Variants in NHSL2 observed in about 807,000 individuals in gnomAD.
NHSL2 encodes the protein NHS like 2.
NHSL2 carries 27 observed loss-of-function variants against 53.4 expected under a neutral mutation model. That is an observed-to-expected ratio of 0.51 (90% CI 0.37 to 0.70). The LOEUF (loss-of-function observed/expected upper bound fraction) is 0.70, where lower values mean the gene tolerates loss of function less well. Ranked by LOEUF, NHSL2 falls within the 30% of genes least tolerant of loss-of-function variation. NHSL2 has a pLI of 0.00. For missense variants in NHSL2, 892 were observed against 980.1 expected, an observed-to-expected ratio of 0.91 and a Z score of 1.20; for synonymous variants, 408 against 404.1, an observed-to-expected ratio of 1.01 and a Z score of -0.12.
chrX:72,022,628 C>G (rs1227788039), intron 1 of NHSL2, among the ~76,000 whole-genome samples: 1 of 111,477 alleles, frequency 9.0e-6, no homozygotes, highest in East Asian at 2.8e-4. Flanking sequence ...GAACTAATCA[C>G]CTCCCAAAGG....
chrX:72,087,276 G>T lies in NHSL2; in HGVS notation c.281-44803G>T, dbSNP rs1233575565. On this transcript the variant is annotated intron_variant, in intron 1 of 7. Coordinates refer to ENST00000633930, the MANE Select transcript of NHSL2 (RefSeq NM_001013627.3). ...AAACACAAAAGAACAAATATTGTATGATTCCACTTATATGAAACATGTAGA... is the reference window on the plus strand; with the variant it reads ...AAACACAAAAGAACAAATATTGTATTATTCCACTTATATGAAACATGTAGA... 2.7e-5 allele frequency among the ~76,000 whole-genome samples: 3 copies of T among 112,826 alleles called. No homozygotes were observed. In the Admixed American group the frequency reaches 2.8e-4, roughly 11 times the overall value.
At chrX:71,927,102 A>AAATT (rs2041689302) in intron 1 of NHSL2, among the ~76,000 whole-genome samples, 1 of 112,216 alleles carries the variant, frequency 8.9e-6, no homozygotes, top group Non-Finnish European at 1.9e-5. Context: ...CATTTGAGAG[A>AAATT]CAGAAATTCA....
At chrX:71,933,287 A>G (rs1034146966) in intron 1 of NHSL2, among the ~76,000 whole-genome samples, 10 of 111,881 alleles carry the variant, frequency 8.9e-5, no homozygotes, top group Non-Finnish European at 1.9e-4. Context: ...GTCACCTGTC[A>G]GTAGTCAATG....
chrX:72,023,441 G>A (rs1270593491), intron 1 of NHSL2, among the ~76,000 whole-genome samples: 1 of 112,761 alleles, frequency 8.9e-6, no homozygotes, highest in Non-Finnish European at 1.9e-5. Context: ...GGCAATTATG[G>A]TCCTGATGAA....
At chrX:71,984,972 T>G (rs1419614184) in intron 1 of NHSL2, among the ~76,000 whole-genome samples, 1 of 110,498 alleles carries the variant, frequency 9.0e-6, no homozygotes. Flanking sequence ...TACAGGCACC[T>G]GCCACCATGC....
At chrX:72,060,788 A>G (rs1488057067) in intron 1 of NHSL2, among the ~76,000 whole-genome samples, 2 of 112,785 alleles carry the variant, frequency 1.8e-5, no homozygotes, top group Non-Finnish European at 3.8e-5. Context: ...GCCCGTTGCC[A>G]TGGCAACATT....
At chrX:72,064,483 C>G (rs1043674026) in intron 1 of NHSL2, among the ~76,000 whole-genome samples, 1 of 111,772 alleles carries the variant, frequency 8.9e-6, no homozygotes, top group Admixed American at 9.4e-5. Context: ...TCCTAATAAT[C>G]CACACCTGAC....
intron 1 of NHSL2, among the ~76,000 whole-genome samples, chrX:72,058,943 C>G (rs1232737597): frequency 9.0e-6 from 1 of 111,675 alleles, no homozygotes; most frequent in Admixed American, 9.4e-5. Context: ...CATCAGTGCT[C>G]CCTGTTCTTC....
intron 1 of NHSL2, among the ~76,000 whole-genome samples, chrX:71,921,356 G>T (rs1412975966): frequency 3.8e-5 from 4 of 106,575 alleles, no homozygotes; most frequent in African/African-American, 1.4e-4. Context: ...GGAGGTGGAG[G>T]TTGCAGCGAG....
rs758985441 is a variant in NHSL2 at position 72,152,339 on chromosome X, G to A, written c.*8765G>A. On this transcript the variant is annotated 3_prime_UTR_variant, in exon 8 of 8. Coordinates refer to ENST00000633930, the MANE Select transcript of NHSL2 (RefSeq NM_001013627.3). Reference sequence around the variant, plus strand: ...AATTCACAAATCACACCATACATGCGTGTGTGCATGCGCGCGCGCACACAC... The same window carrying A: ...AATTCACAAATCACACCATACATGCATGTGTGCATGCGCGCGCGCACACAC... 8 of 77,799 alleles carry A rather than the reference G, an allele frequency of 1.0e-4. No homozygotes were observed. The East Asian group carries it at 1.2e-3, about 12-fold the overall frequency. 6.4% of individuals were successfully genotyped at this position (77,799 alleles called of 1,213,427 possible).
intron 1 of NHSL2, among the ~76,000 whole-genome samples, chrX:71,963,949 C>CTATA (rs1447693800): frequency 4.1e-5 from 1 of 24,529 alleles, no homozygotes; most frequent in East Asian, 1.7e-3. Flanking sequence ...GGTGGAGTGG[C>CTATA]TATATATATA....
chrX:72,068,098 T>C (rs2042442278), intron 1 of NHSL2, among the ~76,000 whole-genome samples: 1 of 111,797 alleles, frequency 8.9e-6, no homozygotes, highest in African/African-American at 3.3e-5. Flanking sequence ...CTCACAACAT[T>C]ATTGATCCTT....
chrX:72,016,324 T>A (rs1057508818), intron 1 of NHSL2, among the ~76,000 whole-genome samples: 1 of 112,354 alleles, frequency 8.9e-6, no homozygotes, highest in Non-Finnish European at 1.9e-5. Flanking sequence ...TCTGTTCTCT[T>A]TCACTCATTT....
chrX:71,924,903 G>C (rs1569463123), intron 1 of NHSL2, among the ~76,000 whole-genome samples: 1 of 112,278 alleles, frequency 8.9e-6, no homozygotes, highest in East Asian at 2.8e-4. Context: ...ATGGGAAAAG[G>C]CTTTGTAAAC....
intron 1 of NHSL2, among the ~76,000 whole-genome samples, chrX:72,101,423 A>G (rs1474580609): frequency 1.8e-5 from 2 of 108,612 alleles, no homozygotes; most frequent in Non-Finnish European, 3.8e-5. Flanking sequence ...AAGCATTTGG[A>G]CTCCACAGCA....
In NHSL2 at chrX:71,935,075, TCACA is replaced by T. The variant is rs1046481379; in HGVS notation, c.280+23713_280+23716del. On this transcript the variant is annotated intron_variant, in intron 1 of 7. Transcript: ENST00000633930. ...CACCCACATGTTCACAAACACACAC[TCACA>T]CACATCACATGTCACACACTGCTGT... 7.2e-5 allele frequency among the ~76,000 whole-genome samples: 8 copies of T among 111,617 alleles called. No individual in the cohort carries two copies. In the East Asian group the frequency reaches 1.7e-3, roughly 24 times the overall value.
intron 5 of NHSL2, 51 bp from the exon 6 acceptor site, chrX:72,138,390 G>C (rs1401491402): frequency 1.0e-6 from 1 of 1,001,923 alleles, no homozygotes; most frequent in African/African-American, 1.9e-5. Flanking sequence ...CAAAACAGCT[G>C]GTGGGAGATC....
At chrX:72,075,958 A>T (rs1453562246) in intron 1 of NHSL2, among the ~76,000 whole-genome samples, 1 of 108,114 alleles carries the variant, frequency 9.2e-6, no homozygotes, top group Non-Finnish European at 1.9e-5. Flanking sequence ...TCTGAGACAG[A>T]GTTTCACTCT....
intron 1 of NHSL2, among the ~76,000 whole-genome samples, chrX:72,109,198 T>TACACAGA (rs2042070530): frequency 8.9e-6 from 1 of 112,308 alleles, no homozygotes; most frequent in African/African-American, 3.2e-5. Flanking sequence ...CAGAAAGGGC[T>TACACAGA]AAGTATTTGT....
Sources: allele counts gnomAD v4.1 joint callset (sites outside exome capture counted in the v4.1 genomes callset), GRCh38; gene constraint gnomAD v4.1.1; transcripts MANE v1.5; gene names NCBI Gene and HGNC (gene_info 2026-07-23, HGNC 2026-07-21).